EBF1: variants seen among roughly 807,000 people sequenced by gnomAD.
EBF1 encodes the protein transcription factor COE1.
EBF1 carries 10 observed loss-of-function variants against 68.4 expected under a neutral mutation model. That is an observed-to-expected ratio of 0.15 (90% CI 0.09 to 0.25). The LOEUF is 0.25. EBF1 is among the 10% of genes least tolerant of loss of function. EBF1 has a pLI of 1.00. For missense variants in EBF1, 509 were observed against 794.4 expected (o/e 0.64, Z 4.32); for synonymous variants, 298 against 299.8 (o/e 0.99, Z 0.06).
At chr5:158,967,632 G>A (rs1025472897) in intron 6 of EBF1, among the ~76,000 whole-genome samples, 3 of 152,180 alleles carry the variant, frequency 2.0e-5, no homozygotes, top group East Asian at 1.9e-4. Context: ...GCAGGATTAC[G>A]AAGAAAATTT....
chr5:158,818,629 A>C (rs1784212600), intron 8 of EBF1, among the ~76,000 whole-genome samples: 1 of 152,196 alleles, frequency 6.6e-6, no homozygotes, highest in East Asian at 1.9e-4. Context: ...AAACTCCACT[A>C]TTGTTTTTAT....
At chr5:158,918,301 G>A (rs960542910) in intron 6 of EBF1, among the ~76,000 whole-genome samples, 2 of 152,180 alleles carry the variant, frequency 1.3e-5, no homozygotes, top group Non-Finnish European at 2.9e-5. Context: ...CATGGCTTAA[G>A]GGCCATTTAT....
chr5:158,720,487 G>T (rs1002491152), intron 11 of EBF1, among the ~76,000 whole-genome samples: 2 of 152,134 alleles, frequency 1.3e-5, no homozygotes, highest in African/African-American at 4.8e-5. Flanking sequence ...TAAAAAATCA[G>T]TATAATGAGG....
intron 11 of EBF1, among the ~76,000 whole-genome samples, chr5:158,726,519 A>T (rs1763018474): frequency 1.3e-5 from 2 of 152,212 alleles, no homozygotes; most frequent in Admixed American, 1.3e-4. Flanking sequence ...TATTACTCCC[A>T]CTGGATCAAT....
intron 6 of EBF1, among the ~76,000 whole-genome samples, chr5:158,975,842 T>C (rs1015909657): frequency 6.6e-6 from 1 of 152,222 alleles, no homozygotes; most frequent in African/African-American, 2.4e-5. Flanking sequence ...ACTTTACCTG[T>C]TGGGACCGAA....
chr5:158,784,919 C>A (rs1777112428), intron 9 of EBF1, among the ~76,000 whole-genome samples: 1 of 152,172 alleles, frequency 6.6e-6, no homozygotes, highest in African/African-American at 2.4e-5. Context: ...TAATCTTATA[C>A]TGCACCAGCT....
intron 9 of EBF1, among the ~76,000 whole-genome samples, chr5:158,794,229 G>C (rs113877627): frequency 1.3e-5 from 2 of 152,132 alleles, no homozygotes; most frequent in East Asian, 3.9e-4. Flanking sequence ...GAGTGAAGAG[G>C]GGCTCCTGGC....
chr5:158,994,618 T>C lies in EBF1; in HGVS notation c.554+78778A>G, dbSNP rs982095326. Among the ~76,000 whole-genome samples, 5 of 152,346 alleles carry C rather than the reference T, an allele frequency of 3.3e-5. No homozygotes were observed. The East Asian group carries it at 5.8e-4, about 18-fold the overall frequency. On this transcript the variant is annotated intron_variant, in intron 6 of 15. Transcript: ENST00000313708. ...AGATTTTGCCTGGCTTTAACACTTA[T>C]AATCATATGAGCCAGAAGTCTCATA...
chr5:158,706,237 C>T (rs1757843198), intron 15 of EBF1, among the ~76,000 whole-genome samples: 1 of 150,718 alleles, frequency 6.6e-6, no homozygotes. Context: ...GGATTTGCCA[C>T]TGTATGTTAG....
At chr5:158,773,593 C>T (rs1444975155) in intron 10 of EBF1, among the ~76,000 whole-genome samples, 2 of 151,960 alleles carry the variant, frequency 1.3e-5, no homozygotes, top group Non-Finnish European at 2.9e-5. Flanking sequence ...GTCCTGGTGT[C>T]CCATTCTTTC....
intron 15 of EBF1, 74 bp downstream of exon 15, chr5:158,707,905 G>C (rs776452140): frequency 9.5e-6 from 14 of 1,469,654 alleles, no homozygotes; most frequent in Non-Finnish European, 1.3e-5. Context: ...CAATGGTGAT[G>C]CATCTGCTTC....
intron 6 of EBF1, among the ~76,000 whole-genome samples, chr5:158,844,589 T>G (rs1791050357): frequency 6.6e-6 from 1 of 152,218 alleles, no homozygotes; most frequent in Non-Finnish European, 1.5e-5. Context: ...CATGACAATA[T>G]TCACATAGTT....
At chr5:158,849,302 G>C (rs137926713) in intron 6 of EBF1, among the ~76,000 whole-genome samples, 18 of 152,180 alleles carry the variant, frequency 1.2e-4, no homozygotes, top group Middle Eastern at 3.4e-3. Context: ...AGCATTCTTT[G>C]CTAAGTCACA....
At chr5:158,840,656 T>G (rs796297330) in intron 6 of EBF1, among the ~76,000 whole-genome samples, 929 of 91,466 alleles carry the variant, frequency 0.01, 22 homozygotes, top group African/African-American at 0.034. Context: ...TTTTTTTTTT[T>G]TTTTTTTTTT....
Position 158,761,948 on chromosome 5 carries a change from T to C in EBF1, c.1036+15465A>G, listed in dbSNP as rs142006233. Among the ~76,000 whole-genome samples, 670 of 152,306 alleles carry C rather than the reference T, an allele frequency of 4.4e-3. 2 individuals are homozygous for C. Among genetic ancestry groups the C allele is most frequent in the African/African-American group, 0.015 (642 of 41,558 alleles). On this transcript the variant is annotated intron_variant, in intron 10 of 15. Coordinates refer to ENST00000313708, the MANE Select transcript of EBF1 (RefSeq NM_024007.5). ...TAAATCAATGAGTCTTAAACAACAA[T>C]GTGCTTCTTGTAACATGTACTTAAT...
chr5:158,974,515 C>A (rs552013548), intron 6 of EBF1, among the ~76,000 whole-genome samples: 1 of 152,090 alleles, frequency 6.6e-6, no homozygotes, highest in Non-Finnish European at 1.5e-5. Flanking sequence ...TACACGGCTT[C>A]GAGATGGAGT....
At chr5:159,067,686 TA>T (rs926164286) in intron 6 of EBF1, among the ~76,000 whole-genome samples, 1 of 152,124 alleles carries the variant, frequency 6.6e-6, no homozygotes, top group Non-Finnish European at 1.5e-5. Flanking sequence ...TTCAGAATGG[TA>T]TTATCTGATA....
intron 5 of EBF1, among the ~76,000 whole-genome samples, chr5:159,075,829 C>T (rs949536704): frequency 5.9e-5 from 9 of 152,226 alleles, no homozygotes; most frequent in African/African-American, 2.2e-4. Flanking sequence ...TCCTACCGCA[C>T]TGGCCCATTT....
Position 158,712,465 on chromosome 5 carries a change from A to C in EBF1, c.1370-132T>G, listed in dbSNP as rs533301060. 14 of 976,784 alleles carry C rather than the reference A, an allele frequency of 1.4e-5. No individual in the cohort carries two copies. The African/African-American group carries it at 1.9e-4, about 14-fold the overall frequency. 60.5% of individuals were successfully genotyped at this position (976,784 alleles called of 1,614,324 possible). ...CCAGAGGGAAGGGATTGGGTGATTC[A>C]TGTGCGTGGGTTGGTGGTGCTAGCT... On this transcript the variant is annotated intron_variant, in intron 13 of 15. Coordinates refer to ENST00000313708, the MANE Select transcript of EBF1 (RefSeq NM_024007.5).
Sources: allele counts gnomAD v4.1 joint callset (sites outside exome capture counted in the v4.1 genomes callset), GRCh38; gene constraint gnomAD v4.1.1; transcripts MANE v1.5; gene names NCBI Gene and HGNC (gene_info 2026-07-23, HGNC 2026-07-21).